LDB2: variants seen among roughly 807,000 people sequenced by gnomAD.
The protein encoded by LDB2 is LIM domain binding 2.
LDB2 carries 12 observed loss-of-function variants against 44.3 expected under a neutral mutation model. The observed-to-expected ratio is 0.27, with a 90% confidence interval of 0.17 to 0.44. The LOEUF (loss-of-function observed/expected upper bound fraction) is 0.44. Ranked by LOEUF, LDB2 falls within the 20% of genes least tolerant of loss-of-function variation. The pLI is 1.00. For missense variants in LDB2, 344 were observed against 473.5 expected, an observed-to-expected ratio of 0.73 and a Z score of 2.54; for synonymous variants, 164 against 174.8, an observed-to-expected ratio of 0.94 and a Z score of 0.49.
At chr4:16,604,443 T>C (rs746670240) in intron 2 of LDB2, among the ~76,000 whole-genome samples, 2 of 151,088 alleles carry the variant, frequency 1.3e-5, no homozygotes, top group Non-Finnish European at 2.9e-5. Flanking sequence ...ATAGTCCTGT[T>C]CTAACCATTG....
chr4:16,518,644 T>A (rs1048859960), intron 5 of LDB2, among the ~76,000 whole-genome samples: 2 of 152,096 alleles, frequency 1.3e-5, no homozygotes, highest in African/African-American at 4.8e-5. Context: ...GCCCACAAAT[T>A]AAAAAATACT....
chr4:16,574,199 A>T (rs535815667), intron 5 of LDB2, among the ~76,000 whole-genome samples: 108 of 152,248 alleles, frequency 7.1e-4, no homozygotes, highest in Non-Finnish European at 1.3e-3. Context: ...ATCAAAAACC[A>T]CTACTGTGAA....
intron 1 of LDB2, among the ~76,000 whole-genome samples, chr4:16,788,625 A>C (rs1205230031): frequency 1.3e-5 from 2 of 152,184 alleles, no homozygotes; most frequent in Non-Finnish European, 2.9e-5. Flanking sequence ...TGATTCTAAT[A>C]CTCAGCACAG....
chr4:16,614,763 T>A (rs1322683841), intron 2 of LDB2, among the ~76,000 whole-genome samples: 1 of 151,750 alleles, frequency 6.6e-6, no homozygotes, highest in Non-Finnish European at 1.5e-5. Flanking sequence ...CCAGTCAGAA[T>A]GGTGATTAGT....
intron 2 of LDB2, among the ~76,000 whole-genome samples, chr4:16,605,039 T>A (rs765235972): frequency 6.6e-6 from 1 of 152,170 alleles, no homozygotes; most frequent in Non-Finnish European, 1.5e-5. Flanking sequence ...CATCTCCTAA[T>A]CCCAATGGAT....
intron 1 of LDB2, among the ~76,000 whole-genome samples, chr4:16,770,540 C>T (rs6840392): frequency 6.6e-6 from 1 of 151,886 alleles, no homozygotes; most frequent in Admixed American, 6.5e-5. Context: ...TTTCTTATCC[C>T]AATGTCAGTG....
intron 2 of LDB2, among the ~76,000 whole-genome samples, chr4:16,600,161 A>G (rs1256572334): frequency 6.6e-6 from 1 of 152,220 alleles, no homozygotes; most frequent in Non-Finnish European, 1.5e-5. Flanking sequence ...ATTTAGGTTC[A>G]GCGGTCACCT....
intron 2 of LDB2, among the ~76,000 whole-genome samples, chr4:16,755,510 T>A (rs1766372405): frequency 3.0e-5 from 3 of 99,978 alleles, no homozygotes; most frequent in African/African-American, 1.1e-4. Context: ...TGTGTGTGTG[T>A]GTGTGTGTGT....
intron 5 of LDB2, among the ~76,000 whole-genome samples, chr4:16,540,417 G>T (rs998178653): frequency 5.9e-5 from 9 of 152,132 alleles, no homozygotes; most frequent in African/African-American, 2.2e-4. Flanking sequence ...TTAAGCCAAT[G>T]GAAATTTGCG....
At chr4:16,842,416 T>C (rs916440879) in intron 1 of LDB2, among the ~76,000 whole-genome samples, 18 of 152,074 alleles carry the variant, frequency 1.2e-4, no homozygotes, top group African/African-American at 4.1e-4. Flanking sequence ...ATTCAGTACA[T>C]TTTCTGTAAA....
At chr4:16,608,435 C>T (rs532310599) in intron 2 of LDB2, among the ~76,000 whole-genome samples, 11 of 152,240 alleles carry the variant, frequency 7.2e-5, no homozygotes, top group African/African-American at 2.6e-4. Flanking sequence ...GGCAGCAGGA[C>T]GGAACAGCCC....
At chr4:16,625,596 A>G (rs558516079) in intron 2 of LDB2, among the ~76,000 whole-genome samples, 23 of 152,290 alleles carry the variant, frequency 1.5e-4, no homozygotes, top group African/African-American at 5.5e-4. Flanking sequence ...TTCCTTGAAT[A>G]TATCAGCTTC....
At chr4:16,855,330 T>C (rs186018603) in intron 1 of LDB2, among the ~76,000 whole-genome samples, 13 of 152,218 alleles carry the variant, frequency 8.5e-5, no homozygotes, top group East Asian at 7.7e-4. Flanking sequence ...ACTCAGAGTT[T>C]TACAAAATTC....
chr4:16,528,389 G>A (rs928857378), intron 5 of LDB2, among the ~76,000 whole-genome samples: 1 of 152,172 alleles, frequency 6.6e-6, no homozygotes, highest in African/African-American at 2.4e-5. Context: ...GGTAATTGAG[G>A]TTTTTGTCAT....
intron 1 of LDB2, chr4:16,759,516 T>C (rs1236395634): frequency 4.8e-6 from 2 of 418,348 alleles, no homozygotes; most frequent in African/African-American, 2.0e-5. Context: ...TTTGGGGAGA[T>C]TTAATAAATG....
intron 5 of LDB2, among the ~76,000 whole-genome samples, chr4:16,523,499 A>G (rs1021419393): frequency 5.9e-5 from 9 of 152,174 alleles, no homozygotes; most frequent in Non-Finnish European, 1.0e-4. Context: ...TTTTGGGACC[A>G]TTATTAATTA....
At chr4:16,870,087 T>A (rs1454846366) in intron 1 of LDB2, among the ~76,000 whole-genome samples, 2 of 152,090 alleles carry the variant, frequency 1.3e-5, no homozygotes, top group Non-Finnish European at 2.9e-5. Flanking sequence ...AGCCATTGTG[T>A]TTTGTACAAG....
intron 2 of LDB2, among the ~76,000 whole-genome samples, chr4:16,620,895 T>C (rs1231568972): frequency 6.6e-6 from 1 of 152,220 alleles, no homozygotes; most frequent in Non-Finnish European, 1.5e-5. Context: ...ACCAGAATTA[T>C]AGATGGCATC....
rs1725779300 is a variant in LDB2 at position 16,897,952 on chromosome 4, A to ATATATATATATATATATATACACATATG, written c.132+401_132+402insCATATGTGTATATATATATATATATATA. ...TATATATATATACACATATGTATAT[A>ATATATATATATATATATATACACATATG]TATATATATATATATATATATACAC... On this transcript the variant is annotated intron_variant, in intron 1 of 7. Coordinates refer to ENST00000304523, the MANE Select transcript of LDB2 (RefSeq NM_001290.5). Among the ~76,000 whole-genome samples the ATATATATATATATATATATACACATATG allele has an allele frequency of 5.0e-4, 36 of 72,374 alleles. 1 individual carries two copies. The South Asian group carries it at 6.6e-3, about 13-fold the overall frequency. 47.5% of individuals were successfully genotyped at this position (72,374 alleles called of 152,430 possible).
Sources: gnomAD v4.1 joint callset for allele counts (sites outside exome capture counted in the v4.1 genomes callset) on GRCh38, gnomAD v4.1.1 for gene constraint, MANE v1.5 for transcripts, NCBI Gene and HGNC (gene_info 2026-07-23, HGNC 2026-07-21) for gene names.